The following NTM variants were observed in gnomAD, a reference collection of about 807,000 sequenced individuals.
The protein encoded by NTM is neurotrimin.
NTM carries 13 observed loss-of-function variants against 42.1 expected under a neutral mutation model. The ratio of observed to expected loss-of-function variants is 0.31; its 90% CI spans 0.20 to 0.49. The LOEUF (loss-of-function observed/expected upper bound fraction) is 0.49, where lower values mean the gene tolerates loss of function less well. Ranked by LOEUF, NTM falls within the 20% of genes least tolerant of loss-of-function variation. NTM has a pLI of 0.99. For synonymous variants in NTM, 187 were observed against 179.2 expected (o/e 1.04, Z -0.35); for missense variants, 373 against 452.8 (o/e 0.82, Z 1.60).
At chr11:131,416,632 T>C (rs1946988392) in intron 1 of NTM, among the ~76,000 whole-genome samples, 1 of 152,206 alleles carries the variant, frequency 6.6e-6, no homozygotes, top group South Asian at 2.1e-4. Flanking sequence ...TTCCATTGTG[T>C]GTGGGGACAG....
chr11:131,886,559 T>A (rs777916468), intron 1 of NTM, among the ~76,000 whole-genome samples: 1 of 152,250 alleles, frequency 6.6e-6, no homozygotes, highest in Non-Finnish European at 1.5e-5. Context: ...GCCTCTTGTG[T>A]TTATAGAGTA....
intron 2 of NTM, among the ~76,000 whole-genome samples, chr11:132,088,775 G>A (rs2136375340): frequency 6.6e-6 from 1 of 152,290 alleles, no homozygotes; most frequent in South Asian, 2.1e-4. Context: ...TGACTTGTGT[G>A]GGTCAGAGGT....
intron 1 of NTM, among the ~76,000 whole-genome samples, chr11:131,905,704 C>T (rs2053764361): frequency 6.6e-6 from 1 of 152,088 alleles, no homozygotes; most frequent in African/African-American, 2.4e-5. Flanking sequence ...TGTCTGTCTC[C>T]CCTGCTGGAA....
intron 2 of NTM, among the ~76,000 whole-genome samples, chr11:132,055,510 T>C (rs186935743): frequency 1.3e-4 from 20 of 152,280 alleles, no homozygotes; most frequent in African/African-American, 4.6e-4. Context: ...ACATTAACCC[T>C]GTGGCATCAG....
At chr11:131,573,120 C>A (rs2057607720) in intron 1 of NTM, among the ~76,000 whole-genome samples, 2 of 152,182 alleles carry the variant, frequency 1.3e-5, no homozygotes. Flanking sequence ...AGCCGAAGCC[C>A]AGGAGCATGT....
chr11:131,704,954 A>G (rs2076446108), intron 1 of NTM, among the ~76,000 whole-genome samples: 1 of 152,160 alleles, frequency 6.6e-6, no homozygotes, highest in South Asian at 2.1e-4. Context: ...ATTGAGAAAC[A>G]GTGACAAAAC....
chr11:132,116,586 G>A (rs1343396466), intron 2 of NTM, among the ~76,000 whole-genome samples: 2 of 152,156 alleles, frequency 1.3e-5, no homozygotes, highest in Non-Finnish European at 2.9e-5. Flanking sequence ...ACTATAGGGT[G>A]TCCTTAACAT....
chr11:131,640,244 C>G (rs750203518), intron 1 of NTM, among the ~76,000 whole-genome samples: 1 of 152,162 alleles, frequency 6.6e-6, no homozygotes, highest in Non-Finnish European at 1.5e-5. Flanking sequence ...AACAGTACTT[C>G]CTGATGCTGG....
At chr11:131,466,096 G>A (rs547611045) in intron 1 of NTM, among the ~76,000 whole-genome samples, 3 of 152,318 alleles carry the variant, frequency 2.0e-5, no homozygotes, top group Non-Finnish European at 2.9e-5. Flanking sequence ...CAGCATGTGA[G>A]CAGGTGCGTG....
chr11:132,299,479 AAGG>A (rs1233477299), intron 4 of NTM, among the ~76,000 whole-genome samples: 1 of 152,152 alleles, frequency 6.6e-6, no homozygotes, highest in Non-Finnish European at 1.5e-5. Context: ...TCCTGAGAGA[AAGG>A]AGGAGATAAG....
chr11:131,877,398 C>T (rs908776995), intron 1 of NTM, among the ~76,000 whole-genome samples: 16 of 152,186 alleles, frequency 1.1e-4, no homozygotes, highest in African/African-American at 3.9e-4. Context: ...GTGTGTCCAC[C>T]AGGAACCTGG....
intron 1 of NTM, among the ~76,000 whole-genome samples, chr11:131,477,415 A>G (rs1042221725): frequency 6.6e-6 from 1 of 151,564 alleles, no homozygotes; most frequent in African/African-American, 2.4e-5. Flanking sequence ...TGATGTTGCC[A>G]TTCTCGGTGG....
At chr11:132,315,746 A>G (rs1024138557) in intron 7 of NTM, among the ~76,000 whole-genome samples, 1 of 152,034 alleles carries the variant, frequency 6.6e-6, no homozygotes, top group African/African-American at 2.4e-5. Flanking sequence ...CTGCTCACCC[A>G]TTACATCCTC....
rs191733395 is a variant in NTM at position 131,993,676 on chromosome 11, A to T, written c.167+82028A>T. ...AATTTCAGAGACATACAAAAATTAA[A>T]GGGGATTGAGAAGAATGGAATAGAG... On this transcript the variant is annotated intron_variant, in intron 2 of 8. Transcript: ENST00000683400. Among the ~76,000 whole-genome samples, 981 of 152,250 alleles carry T rather than the reference A, an allele frequency of 6.4e-3. 14 individuals carry two copies. Among genetic ancestry groups the T allele is most frequent in the African/African-American group, 0.022 (929 of 41,546 alleles).
chr11:131,505,736 G>A (rs2136411711), intron 1 of NTM, among the ~76,000 whole-genome samples: 1 of 152,298 alleles, frequency 6.6e-6, no homozygotes, highest in East Asian at 1.9e-4. Context: ...CAGGTTCGGA[G>A]CCCATGATCC....
At chr11:132,168,564 G>A (rs972630808) in intron 3 of NTM, among the ~76,000 whole-genome samples, 1 of 152,204 alleles carries the variant, frequency 6.6e-6, no homozygotes, top group African/African-American at 2.4e-5. Context: ...CTGGGACTGA[G>A]ACGTTTGAAA....
intron 1 of NTM, among the ~76,000 whole-genome samples, chr11:131,698,889 C>T (rs2075773187): frequency 6.6e-6 from 1 of 152,196 alleles, no homozygotes; most frequent in African/African-American, 2.4e-5. Flanking sequence ...TTTTTCAAAT[C>T]TCTCTCTTGC....
chr11:131,503,415 C>T (rs1225446332), intron 1 of NTM, among the ~76,000 whole-genome samples: 1 of 152,090 alleles, frequency 6.6e-6, no homozygotes, highest in Non-Finnish European at 1.5e-5. Context: ...GTGAGGTCCT[C>T]ACCGAGGAGG....
intron 1 of NTM, among the ~76,000 whole-genome samples, chr11:131,587,136 A>G (rs78192571): frequency 6.6e-6 from 1 of 152,302 alleles, no homozygotes; most frequent in African/African-American, 2.4e-5. Context: ...TTCTGTTATT[A>G]TCTCCATTTT....
Sources: gnomAD v4.1 joint callset for allele counts (sites outside exome capture counted in the v4.1 genomes callset) on GRCh38, gnomAD v4.1.1 for gene constraint, MANE v1.5 for transcripts, NCBI Gene and HGNC (gene_info 2026-07-23, HGNC 2026-07-21) for gene names.